ARHGAP24: variants seen among roughly 807,000 people sequenced by gnomAD.
ARHGAP24 encodes the protein rho GTPase-activating protein 24.
A neutral mutation model predicts 76.4 loss-of-function variants in ARHGAP24; 50 were observed. The ratio of observed to expected loss-of-function variants is 0.65; its 90% CI spans 0.52 to 0.83. The LOEUF is 0.83. Ranked by LOEUF, ARHGAP24 falls within the 40% of genes least tolerant of loss-of-function variation. The probability of loss-of-function intolerance (pLI) is 0.00; values close to 1 mark genes in which losing one functional copy is unlikely to be tolerated. For synonymous variants in ARHGAP24, 345 were observed against 323.3 expected, an observed-to-expected ratio of 1.07 and a Z score of -0.72; for missense variants, 930 against 914.2, an observed-to-expected ratio of 1.02 and a Z score of -0.22.
intron 3 of ARHGAP24, among the ~76,000 whole-genome samples, chr4:85,727,989 T>A (rs2110049230): frequency 6.6e-6 from 1 of 152,096 alleles, no homozygotes. Context: ...AAGTGATTTT[T>A]ATCTGCCTGG....
At chr4:85,802,714 C>T (rs1207689850) in intron 3 of ARHGAP24, among the ~76,000 whole-genome samples, 3 of 152,134 alleles carry the variant, frequency 2.0e-5, no homozygotes, top group Non-Finnish European at 4.4e-5. Flanking sequence ...TCGCTTGAAC[C>T]CAGGAGGCGG....
At chr4:85,559,413 G>A (rs1726511367) in intron 1 of ARHGAP24, among the ~76,000 whole-genome samples, 1 of 151,980 alleles carries the variant, frequency 6.6e-6, no homozygotes, top group Non-Finnish European at 1.5e-5. Flanking sequence ...TTTTTGTGAT[G>A]AGAACACTTG....
chr4:85,701,993 G>A (rs1400435923), intron 2 of ARHGAP24, among the ~76,000 whole-genome samples: 1 of 152,210 alleles, frequency 6.6e-6, no homozygotes, highest in Admixed American at 6.5e-5. Flanking sequence ...CTGAGTCTAA[G>A]GAAGACTGTC....
At position 86,000,547 on chromosome 4, in the gene ARHGAP24, G is replaced by A. The variant is rs761619742; in HGVS notation, c.2072G>A (p.Arg691Lys). 2.5e-6 allele frequency: 4 copies of A among 1,609,130 alleles called. No individual in the cohort carries two copies. In the South Asian group the frequency reaches 4.4e-5, roughly 18 times the overall value. Reference sequence around the variant, plus strand: ...CTCCATGATGAACTGGATCAGGAGAGGAAAAAGTTCACAATGATAGAAATA... The same window carrying A: ...CTCCATGATGAACTGGATCAGGAGAAGAAAAAGTTCACAATGATAGAAATA... ...MSLHDELDQE[R>K]KKFTMIEIKM... The change falls in exon 10 of 10, where the codon AGG (arginine) becomes AAG (lysine). Residue 691 changes from arginine (R) to lysine (K), a missense_variant. Physicochemically the swap from Arg to Lys is conservative, Grantham distance 26. Coordinates refer to ENST00000395184, the MANE Select transcript of ARHGAP24 (RefSeq NM_001025616.3).
intron 6 of ARHGAP24, among the ~76,000 whole-genome samples, chr4:85,974,371 G>A (rs1578453767): frequency 6.6e-6 from 1 of 152,160 alleles, no homozygotes; most frequent in African/African-American, 2.4e-5. Context: ...TTACATTTTA[G>A]GGGAAGTCAT....
chr4:85,584,064 C>G (rs1296045026), intron 2 of ARHGAP24, among the ~76,000 whole-genome samples: 2 of 148,738 alleles, frequency 1.3e-5, no homozygotes, highest in African/African-American at 2.6e-5. Context: ...ACTAGAAATA[C>G]CATTTGACCC....
intron 3 of ARHGAP24, among the ~76,000 whole-genome samples, chr4:85,835,433 G>T (rs1227591748): frequency 6.6e-6 from 1 of 151,066 alleles, no homozygotes. Context: ...GGTGGCGGGC[G>T]TCTGTAGTCC....
intron 3 of ARHGAP24, among the ~76,000 whole-genome samples, chr4:85,810,130 C>G (rs979483471): frequency 1.3e-5 from 2 of 152,194 alleles, no homozygotes; most frequent in Non-Finnish European, 2.9e-5. Context: ...AGATGTTACA[C>G]AAGCTTTCTT....
intron 3 of ARHGAP24, among the ~76,000 whole-genome samples, chr4:85,835,334 C>T (rs1190737588): frequency 1.3e-5 from 2 of 151,308 alleles, no homozygotes; most frequent in South Asian, 2.1e-4. Context: ...CTGAGGCGGG[C>T]GGATCACGAG....
chr4:85,947,829 A>G (rs1420525332), intron 5 of ARHGAP24, among the ~76,000 whole-genome samples: 1 of 152,238 alleles, frequency 6.6e-6, no homozygotes, highest in African/African-American at 2.4e-5. Flanking sequence ...GTGCATTCAT[A>G]TAAGAAAATA....
In ARHGAP24 at chr4:85,956,805, T is replaced by C. The variant is rs528170700; in HGVS notation, c.599+14532T>C. Among the ~76,000 whole-genome samples the C allele has an allele frequency of 4.6e-5, 7 of 152,202 alleles. No homozygotes were observed. The East Asian group carries it at 9.7e-4, about 21-fold the overall frequency. On this transcript the variant is annotated intron_variant, in intron 5 of 9. Coordinates refer to ENST00000395184, the MANE Select transcript of ARHGAP24 (RefSeq NM_001025616.3). ...GTCAGCGGCAGGCAGCAAAAAGCAG[T>C]GGTGGATGGCGAGTGAAAACTCAGC...
Position 85,874,343 on chromosome 4 carries a change from C to A in ARHGAP24, c.269-49305C>A, listed in dbSNP as rs149459444. On this transcript the variant is annotated intron_variant, in intron 3 of 9. Transcript: ENST00000395184. ...AGAATCTTATTCCAGGTGTAGACTT[C>A]CGAATTAATCCATTGTTTTAAATGA... Among the ~76,000 whole-genome samples, 1,137 of 152,226 alleles carry A rather than the reference C, an allele frequency of 7.5e-3. 6 individuals are homozygous for A. The highest frequency in any genetic ancestry group is 0.01 in the Middle Eastern group (3 of 294).
rs1401581103 is a variant in ARHGAP24 at position 85,893,930 on chromosome 4, C to G, written c.269-29718C>G. Among the ~76,000 whole-genome samples the G allele has an allele frequency of 1.6e-4, 17 of 108,732 alleles. No individual in the cohort carries two copies. The East Asian group carries it at 4.4e-3, about 28-fold the overall frequency. 71.3% of individuals were successfully genotyped at this position (108,732 alleles called of 152,430 possible). A position where few individuals can be genotyped will look rare whatever the true frequency, so the allele number is the denominator to read the frequency against. On this transcript the variant is annotated intron_variant, in intron 3 of 9. Transcript: ENST00000395184. ...CACATGGACACAGGAAGGGGAATAT[C>G]ACACTCTGGGGACTGTGGTGGGGTG... is the stretch of plus-strand genomic sequence containing the variant.
chr4:85,746,828 T>C (rs1726059701), intron 3 of ARHGAP24, among the ~76,000 whole-genome samples: 1 of 152,024 alleles, frequency 6.6e-6, no homozygotes, highest in South Asian at 2.1e-4. Context: ...ATTTTTTTTG[T>C]ATTTTTAGTA....
rs1432692484 is a variant in ARHGAP24, at chr4:85,627,071, A to C, written c.180+56350A>C. ...TGATCATCTGAAGCCTTCTTCTCTC[A>C]ACTTGTCAGTCATTCTCTTTCCAGC... On this transcript the variant is annotated intron_variant, in intron 2 of 9. Coordinates refer to ENST00000395184, the MANE Select transcript of ARHGAP24 (RefSeq NM_001025616.3). 3.3e-5 allele frequency among the ~76,000 whole-genome samples: 5 copies of C among 152,106 alleles called. No homozygotes were observed. The South Asian group carries it at 1.0e-3, about 32-fold the overall frequency.
In ARHGAP24 at chr4:85,994,721, G is replaced by T; in HGVS notation, c.1067G>T (p.Gly356Val). ...NNEIQKKATM[G>V]QLQNKENNNT... ...GAAATTCAGAAGAAAGCCACCATGG[G>T]GCAGTTACAGAACAAGGAGAACAAT... is the stretch of plus-strand genomic sequence containing the variant. Residue 356 changes from glycine to valine, a missense_variant, in exon 9 of 10, where the codon GGG (glycine) becomes GTG (valine). Transcript: ENST00000395184. 6.2e-7 allele frequency: 1 copy of T among 1,614,048 alleles called. No individual in the cohort carries two copies. Among genetic ancestry groups the T allele is most frequent in the Non-Finnish European group, 8.5e-7 (1 of 1,180,006 alleles).
intron 2 of ARHGAP24, among the ~76,000 whole-genome samples, chr4:85,693,623 T>A (rs1033644334): frequency 3.3e-5 from 5 of 152,080 alleles, no homozygotes; most frequent in Non-Finnish European, 7.4e-5. Flanking sequence ...AGAAACATAC[T>A]CAGGTGGAGC....
intron 2 of ARHGAP24, among the ~76,000 whole-genome samples, chr4:85,689,624 A>G (rs1390478959): frequency 6.6e-6 from 1 of 152,070 alleles, no homozygotes; most frequent in Admixed American, 6.6e-5. Context: ...TCTGAGCTCA[A>G]GTGATCTGCC....
chr4:85,768,593 C>T (rs1312828181), intron 3 of ARHGAP24, among the ~76,000 whole-genome samples: 5 of 151,858 alleles, frequency 3.3e-5, no homozygotes, highest in Non-Finnish European at 5.9e-5. Context: ...AAAAATTAGC[C>T]GGGCATGGTG....
Sources: gnomAD v4.1 joint callset for allele counts (sites outside exome capture counted in the v4.1 genomes callset) on GRCh38, gnomAD v4.1.1 for gene constraint, MANE v1.5 for transcripts, NCBI Gene and HGNC (gene_info 2026-07-23, HGNC 2026-07-21) for gene names.